The following GRM5 variants were observed in gnomAD, a reference collection of about 807,000 sequenced individuals.
The protein encoded by GRM5 is glutamate metabotropic receptor 5.
Under a neutral mutation model 83.1 loss-of-function variants are expected in GRM5, and 19 were observed. That is an observed-to-expected ratio of 0.23 (90% CI 0.16 to 0.34). The LOEUF (loss-of-function observed/expected upper bound fraction) is 0.34, where lower values mean the gene tolerates loss of function less well. Among genes scored for constraint, GRM5 ranks in the 10% least tolerant of loss-of-function variants. The pLI, the probability that GRM5 is intolerant of heterozygous loss-of-function variation, is 1.00. For missense variants in GRM5, 1,160 were observed against 1,588.3 expected, an observed-to-expected ratio of 0.73 and a Z score of 4.58; for synonymous variants, 675 against 633.6, an observed-to-expected ratio of 1.07 and a Z score of -0.98.
rs1282810139 is a variant in GRM5 at position 89,052,937 on chromosome 11, C to T, written c.-200-4865G>A. The stretch of plus-strand genomic sequence containing the variant: ...TTTGATAAGTTAAAAACTAGCTGAT[C>T]ACTTAGAAAATAATGGAGCTAGAAT... On this transcript the variant is annotated intron_variant, in intron 1 of 9. Transcript: ENST00000305447. Among the ~76,000 whole-genome samples, 5 of 151,996 alleles carry T rather than the reference C, an allele frequency of 3.3e-5. No individual in the cohort carries two copies. In the East Asian group the frequency reaches 9.6e-4, roughly 29 times the overall value.
intron 3 of GRM5, among the ~76,000 whole-genome samples, chr11:88,831,049 A>C (rs1943983327): frequency 6.6e-6 from 1 of 152,044 alleles, no homozygotes. Flanking sequence ...ATGGGAATTC[A>C]AGATGAGTTC....
chr11:88,594,008 T>C (rs534709799), intron 6 of GRM5, among the ~76,000 whole-genome samples: 1 of 152,146 alleles, frequency 6.6e-6, no homozygotes, highest in Admixed American at 6.5e-5. Flanking sequence ...GTTAGCCAGA[T>C]GGTCTCGATC....
Position 89,047,022 on chromosome 11 carries a change from T to C in GRM5, c.661+190A>G, listed in dbSNP as rs144146963. On this transcript the variant is annotated intron_variant, in intron 2 of 9. Coordinates refer to ENST00000305447, the MANE Select transcript of GRM5 (RefSeq NM_001143831.3). This position sits in a 1 kb window ranked among gnomAD's most constrained non-coding sequence, Gnocchi z 5.1. Reference sequence around the variant, plus strand: ...TATATTTCACCAAATATTGGCCACATACACCCTTCTGTAGTTTAAGTCTTT... The same window carrying C: ...TATATTTCACCAAATATTGGCCACACACACCCTTCTGTAGTTTAAGTCTTT... 0.024 allele frequency among the ~76,000 whole-genome samples: 3,648 copies of C among 152,332 alleles called. 70 individuals carry two copies. Among genetic ancestry groups the C allele is most frequent in the Non-Finnish European group, 0.039 (2,663 of 68,016 alleles).
chr11:88,618,615 A>C (rs964429945), intron 4 of GRM5, among the ~76,000 whole-genome samples: 4 of 152,104 alleles, frequency 2.6e-5, no homozygotes, highest in Non-Finnish European at 5.9e-5. Flanking sequence ...CAAAAAAAAA[A>C]AAACGATTCA....
intron 2 of GRM5, among the ~76,000 whole-genome samples, chr11:88,923,668 T>C (rs1945733385): frequency 6.6e-6 from 1 of 151,980 alleles, no homozygotes; most frequent in South Asian, 2.1e-4. Context: ...CAACAATTTA[T>C]TGTACATTTT....
rs914242862 is a variant in GRM5 at position 88,993,723 on chromosome 11, T to C, written c.661+53489A>G. 5.3e-5 allele frequency among the ~76,000 whole-genome samples: 8 copies of C among 152,268 alleles called. 1 individual carries two copies. The highest frequency in any genetic ancestry group is 1.9e-4 in the African/African-American group (8 of 41,540). ...TTTCTGGTTTTATTTCTGGTGTTTT[T>C]AGTTTGTTTGTTTTTTGAGACAGGG... is the stretch of plus-strand genomic sequence containing the variant. On this transcript the variant is annotated intron_variant, in intron 2 of 9. Transcript: ENST00000305447.
intron 2 of GRM5, among the ~76,000 whole-genome samples, chr11:89,013,356 A>G (rs1346041052): frequency 6.6e-6 from 1 of 152,220 alleles, no homozygotes; most frequent in African/African-American, 2.4e-5. Flanking sequence ...GAAAGAAACA[A>G]ATAACTTCTT....
intron 2 of GRM5, among the ~76,000 whole-genome samples, chr11:88,997,785 A>G (rs932636159): frequency 3.3e-5 from 5 of 152,166 alleles, no homozygotes; most frequent in African/African-American, 1.2e-4. Flanking sequence ...TCAACATCCT[A>G]TAACTATTAA....
intron 9 of GRM5, 123 bp downstream of exon 9, chr11:88,525,186 C>A: frequency 3.0e-6 from 2 of 668,948 alleles, no homozygotes; most frequent in South Asian, 3.7e-5. Context: ...CCAGTAGTAG[C>A]CTGGGTTGGA....
At chr11:88,980,851 G>T (rs1939497678) in intron 2 of GRM5, among the ~76,000 whole-genome samples, 1 of 151,786 alleles carries the variant, frequency 6.6e-6, no homozygotes, top group Non-Finnish European at 1.5e-5. Flanking sequence ...AAAATAAAAG[G>T]ATATAACCTG....
intron 2 of GRM5, among the ~76,000 whole-genome samples, chr11:88,984,476 G>C (rs763466428): frequency 6.6e-6 from 1 of 152,146 alleles, no homozygotes; most frequent in East Asian, 1.9e-4. Context: ...ACTCTATGAT[G>C]TTCACAGGAT....
At chr11:88,815,104 A>G (rs12801588) in intron 3 of GRM5, among the ~76,000 whole-genome samples, 33,121 of 152,184 alleles carry the variant, frequency 0.22, 4,799 homozygotes, top group Non-Finnish European at 0.32. Flanking sequence ...AGAATATTCC[A>G]CCAAACAATG....
chr11:88,757,322 C>G (rs1942415226), intron 3 of GRM5, among the ~76,000 whole-genome samples: 1 of 152,188 alleles, frequency 6.6e-6, no homozygotes, highest in Admixed American at 6.5e-5. Context: ...CCTGCTAGCA[C>G]ATGTGTGCAT....
At chr11:88,876,423 A>T (rs1944854592) in intron 2 of GRM5, among the ~76,000 whole-genome samples, 1 of 152,126 alleles carries the variant, frequency 6.6e-6, no homozygotes, top group South Asian at 2.1e-4. Context: ...CTTTCTCTGT[A>T]TCTGCAATAA....
chr11:88,998,997 C>G (rs535730619), intron 2 of GRM5, among the ~76,000 whole-genome samples: 3 of 152,084 alleles, frequency 2.0e-5, no homozygotes, highest in Non-Finnish European at 4.4e-5. Context: ...AAAGGATTCC[C>G]TATTTAATAA....
chr11:88,981,454 A>C (rs548618748), intron 2 of GRM5, among the ~76,000 whole-genome samples: 130 of 152,272 alleles, frequency 8.5e-4, no homozygotes, highest in South Asian at 1.9e-3. Context: ...TTCACATGGA[A>C]GCTTAATCTA....
At chr11:88,727,083 A>T (rs1337161335) in intron 3 of GRM5, among the ~76,000 whole-genome samples, 3 of 152,230 alleles carry the variant, frequency 2.0e-5, no homozygotes, top group African/African-American at 7.2e-5. Context: ...CAATTAAAAG[A>T]CATAGTCAGG....
intron 2 of GRM5, among the ~76,000 whole-genome samples, chr11:88,854,056 G>GTATATATATATATATA (rs1565262477): frequency 2.8e-4 from 5 of 17,774 alleles, no homozygotes; most frequent in African/African-American, 1.0e-3. Context: ...AAAAAATGTG[G>GTATATATATATATATA]TGTATATATA....
chr11:88,991,484 C>A (rs11511787), intron 2 of GRM5, among the ~76,000 whole-genome samples: 3,867 of 151,766 alleles, frequency 0.025, 86 homozygotes, highest in East Asian at 0.1. Flanking sequence ...GCTACCAATG[C>A]CTTTCTTCAC....
Sources: allele counts gnomAD v4.1 joint callset (sites outside exome capture counted in the v4.1 genomes callset), GRCh38; gene constraint gnomAD v4.1.1; non-coding constraint Gnocchi (gnomAD v3.1); transcripts MANE v1.5; gene names NCBI Gene and HGNC (gene_info 2026-07-23, HGNC 2026-07-21).